Variants in CLYBL observed in about 807,000 individuals in gnomAD.
CLYBL encodes the protein citramalyl-CoA lyase, mitochondrial.
In CLYBL, 31 loss-of-function variants were observed where a neutral mutation model predicts 38.9. The ratio of observed to expected loss-of-function variants is 0.80; its 90% CI spans 0.60 to 1.08. The LOEUF (loss-of-function observed/expected upper bound fraction) is 1.08, where lower values mean the gene tolerates loss of function less well. CLYBL is among the 50% of genes least tolerant of loss of function. CLYBL has a pLI of 0.00. For synonymous variants in CLYBL, 171 were observed against 158.6 expected (o/e 1.08, Z -0.59); for missense variants, 434 against 411.6 (o/e 1.05, Z -0.47).
intron 1 of CLYBL, among the ~76,000 whole-genome samples, chr13:99,717,833 ATG>A (rs373293085): frequency 4.0e-5 from 6 of 151,386 alleles, no homozygotes; most frequent in East Asian, 1.9e-4. Flanking sequence ...TTGGGTGTGT[ATG>A]TGTGTGTGTG....
intron 1 of CLYBL, among the ~76,000 whole-genome samples, chr13:99,739,270 G>A (rs183957251): frequency 2.8e-4 from 43 of 152,278 alleles, no homozygotes; most frequent in African/African-American, 9.4e-4. Flanking sequence ...TAGACACACC[G>A]TGTGAACTTA....
intron 2 of CLYBL, among the ~76,000 whole-genome samples, chr13:99,775,886 G>A (rs374311807): frequency 2.6e-5 from 4 of 151,954 alleles, no homozygotes; most frequent in East Asian, 3.9e-4. Context: ...ACAATAGGCC[G>A]GGCACGGTGG....
At chr13:99,782,092 A>G (rs1160662115) in intron 2 of CLYBL, among the ~76,000 whole-genome samples, 1 of 151,024 alleles carries the variant, frequency 6.6e-6, no homozygotes, top group Non-Finnish European at 1.5e-5. Context: ...TTTGCTTATC[A>G]TTTGTTTTGT....
chr13:99,747,055 G>A (rs868190631), intron 1 of CLYBL, among the ~76,000 whole-genome samples: 1 of 152,062 alleles, frequency 6.6e-6, no homozygotes, highest in Non-Finnish European at 1.5e-5. Flanking sequence ...CCAGTTTTCC[G>A]TCAGATAAAA....
At chr13:99,908,080 T>C (rs2052715525) in exon 10 of CLYBL, among the ~76,000 whole-genome samples, 1 of 152,210 alleles carries the variant, frequency 6.6e-6, no homozygotes, top group Admixed American at 6.5e-5. Flanking sequence ...TTTTTCCTTC[T>C]CTACAAGGAG....
intron 1 of CLYBL, among the ~76,000 whole-genome samples, chr13:99,751,069 A>C (rs549454062): frequency 2.0e-5 from 3 of 152,194 alleles, no homozygotes; most frequent in Admixed American, 6.6e-5. Flanking sequence ...TAGCAGCACT[A>C]TTCACATTAG....
At chr13:99,891,244 G>A in intron 7 of CLYBL, 74 bp from the exon 8 acceptor site, 3 of 1,084,918 alleles carry the variant, frequency 2.8e-6, no homozygotes, top group Non-Finnish European at 4.2e-6. Context: ...TGTTCTTGTT[G>A]CACAAGTGTG....
intron 1 of CLYBL, among the ~76,000 whole-genome samples, chr13:99,680,690 C>T (rs1444753003): frequency 6.6e-6 from 1 of 152,174 alleles, no homozygotes; most frequent in African/African-American, 2.4e-5. Flanking sequence ...GAGTGTATTC[C>T]CTGATGCTGT....
intron 2 of CLYBL, among the ~76,000 whole-genome samples, chr13:99,846,419 C>T (rs7981731): frequency 0.06 from 9,169 of 151,612 alleles, 658 homozygotes; most frequent in African/African-American, 0.17. Flanking sequence ...GTTTTAAAGC[C>T]CTGTCTACTT....
intron 1 of CLYBL, among the ~76,000 whole-genome samples, chr13:99,760,462 T>C (rs2049144858): frequency 6.6e-6 from 1 of 152,256 alleles, no homozygotes; most frequent in South Asian, 2.1e-4. Flanking sequence ...ACTCTGCACC[T>C]AAGCATTTCT....
chr13:99,665,355 T>C (rs2047465319), intron 1 of CLYBL, among the ~76,000 whole-genome samples: 2 of 151,924 alleles, frequency 1.3e-5, no homozygotes, highest in African/African-American at 4.8e-5. Flanking sequence ...AATTTCTTAA[T>C]AATTAAAATT....
chr13:99,617,932 A>C (rs981295024), intron 1 of CLYBL, among the ~76,000 whole-genome samples: 1 of 152,112 alleles, frequency 6.6e-6, no homozygotes, highest in Admixed American at 6.5e-5. Context: ...CCTGTACAAC[A>C]TAGCCTCCAC....
chr13:99,794,651 G>T (rs1196611387), intron 2 of CLYBL, among the ~76,000 whole-genome samples: 1 of 147,232 alleles, frequency 6.8e-6, no homozygotes, highest in African/African-American at 2.5e-5. Flanking sequence ...GAGTGCAGTG[G>T]TGCTGTCTTG....
Position 99,865,824 on chromosome 13 carries a change from C to CA in CLYBL, c.635-415dup, listed in dbSNP as rs1304452555. On this transcript the variant is annotated intron_variant, in intron 5 of 8. Coordinates refer to ENST00000339105, the MANE Select transcript of CLYBL (RefSeq NM_206808.5). The surrounding 1 kb of genome is among the most constrained non-coding windows in gnomAD (Gnocchi z 4.7). ...CAGTTTGGACAGGGCAATCGCAGCA[C>CA]ACACAGTTCTGTGCTTGCTGTGAAA... Among the ~76,000 whole-genome samples, 5 of 152,220 alleles carry CA rather than the reference C, an allele frequency of 3.3e-5. No individual in the cohort carries two copies. The highest frequency in any genetic ancestry group is 1.2e-4 in the African/African-American group (5 of 41,456).
intron 2 of CLYBL, among the ~76,000 whole-genome samples, chr13:99,810,414 A>G (rs933025165): frequency 3.3e-5 from 5 of 152,196 alleles, no homozygotes; most frequent in African/African-American, 9.6e-5. Flanking sequence ...TGTGGGGTAC[A>G]GTGGGGAGTG....
chr13:99,810,842 C>T (rs909006513), intron 2 of CLYBL, among the ~76,000 whole-genome samples: 1 of 152,108 alleles, frequency 6.6e-6, no homozygotes, highest in African/African-American at 2.4e-5. Flanking sequence ...CCCCTCCAAA[C>T]GTAGCCCTCC....
At chr13:99,795,257 C>A (rs2049998851) in intron 2 of CLYBL, among the ~76,000 whole-genome samples, 1 of 152,176 alleles carries the variant, frequency 6.6e-6, no homozygotes, top group Non-Finnish European at 1.5e-5. Flanking sequence ...AAATTAACCT[C>A]CAAAAGTTAA....
At chr13:99,642,064 G>A (rs370809645) in intron 1 of CLYBL, among the ~76,000 whole-genome samples, 3 of 152,216 alleles carry the variant, frequency 2.0e-5, no homozygotes, top group African/African-American at 7.2e-5. Context: ...ACACCCTGGG[G>A]AAGAACACTT....
At chr13:99,789,589 A>C (rs2049872944) in intron 2 of CLYBL, among the ~76,000 whole-genome samples, 1 of 152,128 alleles carries the variant, frequency 6.6e-6, no homozygotes, top group Non-Finnish European at 1.5e-5. Context: ...CTGTTCTTTG[A>C]CATTTGCTGA....
Sources: gnomAD v4.1 joint callset for allele counts (sites outside exome capture counted in the v4.1 genomes callset) on GRCh38, gnomAD v4.1.1 for gene constraint, Gnocchi (gnomAD v3.1) non-coding constraint, MANE v1.5 for transcripts, NCBI Gene and HGNC (gene_info 2026-07-23, HGNC 2026-07-21) for gene names.